Variants in PIEZO2 observed in about 807,000 individuals in gnomAD.
The protein encoded by PIEZO2 is piezo type mechanosensitive ion channel component 2.
PIEZO2 carries 172 observed loss-of-function variants against 337.3 expected under a neutral mutation model. The ratio of observed to expected loss-of-function variants is 0.51; its 90% CI spans 0.45 to 0.58. The LOEUF (loss-of-function observed/expected upper bound fraction) is 0.58. Among genes scored for constraint, PIEZO2 ranks in the 20% least tolerant of loss-of-function variants. The pLI is 0.00. For missense variants in PIEZO2, 3,028 were observed against 3,391.3 expected, an observed-to-expected ratio of 0.89 and a Z score of 2.66; for synonymous variants, 1,251 against 1,228.5, an observed-to-expected ratio of 1.02 and a Z score of -0.38.
chr18:10,977,933 A>T (rs2034508293), intron 3 of PIEZO2, among the ~76,000 whole-genome samples: 1 of 152,164 alleles, frequency 6.6e-6, no homozygotes, highest in Non-Finnish European at 1.5e-5. Flanking sequence ...AATGAGAAAT[A>T]ATTATTCATG....
intron 2 of PIEZO2, among the ~76,000 whole-genome samples, chr18:11,059,609 A>C (rs2037863213): frequency 6.6e-6 from 1 of 152,214 alleles, no homozygotes; most frequent in Admixed American, 6.5e-5. Context: ...TTGCAATCCT[A>C]GTCTCTGATA....
intron 2 of PIEZO2, among the ~76,000 whole-genome samples, chr18:11,018,382 C>CGTGTGTGTGTGTGTGTGTGTGTGT: frequency 1.8e-5 from 2 of 114,200 alleles, no homozygotes; most frequent in South Asian, 3.7e-4. Flanking sequence ...CCCAACATGT[C>CGTGTGTGTGTGTGTGTGTGTGTGT]GTGTGTGTGT....
chr18:10,885,327 G>A (rs1263347236), intron 4 of PIEZO2, among the ~76,000 whole-genome samples: 1 of 152,172 alleles, frequency 6.6e-6, no homozygotes, highest in Non-Finnish European at 1.5e-5. Context: ...AGGAGGCTGA[G>A]GCAGGAGAAT....
chr18:10,812,080 G>A (rs138653734), intron 7 of PIEZO2, among the ~76,000 whole-genome samples: 6,350 of 152,264 alleles, frequency 0.042, 173 homozygotes, highest in Non-Finnish European at 0.05. Flanking sequence ...TGATCTGCCC[G>A]CCTTGGCTTC....
chr18:11,139,740 G>A (rs773736220), intron 1 of PIEZO2, among the ~76,000 whole-genome samples: 4 of 152,120 alleles, frequency 2.6e-5, no homozygotes, highest in Non-Finnish European at 4.4e-5. Flanking sequence ...TAGGGTCACC[G>A]GCCTCCCCTT....
rs2039719779 is a variant in PIEZO2 at position 11,111,182 on chromosome 18, G to C, written c.64+37343C>G. On this transcript the variant is annotated intron_variant, in intron 1 of 55. Transcript: ENST00000674853. The surrounding 1 kb of genome is among the most constrained non-coding windows in gnomAD (Gnocchi z 6.2). ...TGCCACAGCCAGCCTGGGAGTGTCA[G>C]AGGGCTCTGACGCCAGCCCAGGACT... Among the ~76,000 whole-genome samples, 1 of 152,154 alleles carries C rather than the reference G, an allele frequency of 6.6e-6. No homozygotes were observed. The highest frequency in any genetic ancestry group is 2.4e-5 in the African/African-American group (1 of 41,440).
At position 10,724,689 on chromosome 18, in the gene PIEZO2, G is replaced by T. The variant is rs2036456619; in HGVS notation, c.5030-6430C>A. On this transcript the variant is annotated intron_variant, in intron 36 of 55. Transcript: ENST00000674853. The surrounding 1 kb of genome is among the most constrained non-coding windows in gnomAD (Gnocchi z 5.8). ...GCCCACCTACCAGTCTGCTGTCCCT[G>T]CGTCATAGGCTGAAGCACTCAGACC... is the stretch of plus-strand genomic sequence containing the variant. 1.8e-6 allele frequency: 2 copies of T among 1,117,396 alleles called. No individual in the cohort carries two copies. The highest frequency in any genetic ancestry group is 2.1e-4 in the Middle Eastern group (1 of 4,834). 69.2% of individuals were successfully genotyped at this position (1,117,396 alleles called of 1,614,324 possible). A position where few individuals can be genotyped will look rare whatever the true frequency, so the allele number is the denominator to read the frequency against.
chr18:10,850,675 C>T lies in PIEZO2; in HGVS notation c.917+4678G>A, dbSNP rs534029862. 6.6e-6 allele frequency among the ~76,000 whole-genome samples: 1 copy of T among 152,184 alleles called. No individual in the cohort carries two copies. Among genetic ancestry groups the T allele is most frequent in the South Asian group, 2.1e-4 (1 of 4,812 alleles). ...GAACATTTTATAACATAGGAAAATA[C>T]ACAGTTTGCATAAATACAGCAAATT... On this transcript the variant is annotated intron_variant, in intron 7 of 55. Coordinates refer to ENST00000674853, the MANE Select transcript of PIEZO2 (RefSeq NM_001378183.1). The surrounding 1 kb of genome is among the most constrained non-coding windows in gnomAD (Gnocchi z 4.5).
intron 2 of PIEZO2, among the ~76,000 whole-genome samples, chr18:11,019,375 G>C (rs1316231091): frequency 3.9e-5 from 6 of 152,154 alleles, no homozygotes; most frequent in Non-Finnish European, 8.8e-5. Context: ...TTCCAACCTG[G>C]ATATCAGTTC....
In PIEZO2 at chr18:10,672,112, G is replaced by C. The variant is rs190242409; in HGVS notation, c.8346-333C>G. 6.6e-6 allele frequency among the ~76,000 whole-genome samples: 1 copy of C among 152,258 alleles called. No homozygotes were observed. The highest frequency in any genetic ancestry group is 1.5e-5 in the Non-Finnish European group (1 of 68,020). ...ATATTAAATGCATAAACCATATAAT[G>C]TATTTGGTAGAAATGTAATTATATA... On this transcript the variant is annotated intron_variant, in intron 55 of 55. Transcript: ENST00000674853. This position sits in a 1 kb window ranked among gnomAD's most constrained non-coding sequence, Gnocchi z 4.7.
intron 2 of PIEZO2, among the ~76,000 whole-genome samples, chr18:10,986,950 C>A (rs943950933): frequency 6.6e-6 from 1 of 151,762 alleles, no homozygotes; most frequent in Admixed American, 6.6e-5. Flanking sequence ...ATAAACAAAA[C>A]GACTTACAAT....
rs1467949459 is a variant in PIEZO2, at chr18:11,035,798, C to A, written c.160+30329G>T. ...CAGCACATATTTGTAAATAAGCCAA[C>A]TCCTAAAATAATATGAAACTCTGAC... On this transcript the variant is annotated intron_variant, in intron 2 of 55. Coordinates refer to ENST00000674853, the MANE Select transcript of PIEZO2 (RefSeq NM_001378183.1). The surrounding 1 kb of genome is among the most constrained non-coding windows in gnomAD (Gnocchi z 4.3). 6.6e-6 allele frequency among the ~76,000 whole-genome samples: 1 copy of A among 152,308 alleles called. No individual in the cohort carries two copies. The highest frequency in any genetic ancestry group is 1.5e-5 in the Non-Finnish European group (1 of 68,032).
At chr18:11,145,204 T>C (rs1425479564) in intron 1 of PIEZO2, among the ~76,000 whole-genome samples, 1 of 152,242 alleles carries the variant, frequency 6.6e-6, no homozygotes, top group East Asian at 1.9e-4. Flanking sequence ...TATGACTATA[T>C]GCATATCCAT....
chr18:10,844,602 C>G (rs1337100305), intron 7 of PIEZO2, among the ~76,000 whole-genome samples: 2 of 151,732 alleles, frequency 1.3e-5, no homozygotes, highest in Non-Finnish European at 2.9e-5. Context: ...TCCTGGCTAA[C>G]ATGGTGAAAC....
chr18:11,003,534 A>G lies in PIEZO2; in HGVS notation c.161-23874T>C, dbSNP rs1028310966. ...ACACATACATTTAAGAAAGATTAATAAAAGCAAGTCAGATAATAATTTACC... is the reference window on the plus strand; with the variant it reads ...ACACATACATTTAAGAAAGATTAATGAAAGCAAGTCAGATAATAATTTACC... On this transcript the variant is annotated intron_variant, in intron 2 of 55. Transcript: ENST00000674853. This position sits in a 1 kb window ranked among gnomAD's most constrained non-coding sequence, Gnocchi z 4.6. 6.6e-6 allele frequency among the ~76,000 whole-genome samples: 1 copy of G among 152,254 alleles called. No individual in the cohort carries two copies. The highest frequency in any genetic ancestry group is 1.5e-5 in the Non-Finnish European group (1 of 68,050).
Position 10,680,373 on chromosome 18 carries a change from T to C in PIEZO2, c.7780-2A>G, listed in dbSNP as rs1369347260. 1 of 1,612,954 alleles carries C rather than the reference T, an allele frequency of 6.2e-7. No individual in the cohort carries two copies. Among genetic ancestry groups the C allele is most frequent in the East Asian group, 2.2e-5 (1 of 44,846 alleles). ...ATTTTCCAGAAATTGCATAGCACCCTGTATGTGCACAAATGCACATGCATA... is the reference window on the plus strand; with the variant it reads ...ATTTTCCAGAAATTGCATAGCACCCCGTATGTGCACAAATGCACATGCATA... On this transcript the variant is annotated splice_acceptor_variant, in intron 51 of 55. Coordinates refer to ENST00000674853, the MANE Select transcript of PIEZO2 (RefSeq NM_001378183.1). LOFTEE classifies it high-confidence loss of function.
At chr18:10,852,447 C>T (rs2041582857) in intron 7 of PIEZO2, among the ~76,000 whole-genome samples, 1 of 152,140 alleles carries the variant, frequency 6.6e-6, no homozygotes, top group Non-Finnish European at 1.5e-5. Context: ...GACTGAATAG[C>T]TCTCTATAGC....
chr18:10,753,485 C>T (rs1035944969), intron 27 of PIEZO2, among the ~76,000 whole-genome samples: 4 of 152,180 alleles, frequency 2.6e-5, no homozygotes, highest in African/African-American at 7.2e-5. Context: ...GCCAGCGTTC[C>T]GGTGTCAGTC....
At chr18:10,793,240 C>T (rs2144193154) in intron 13 of PIEZO2, among the ~76,000 whole-genome samples, 2 of 150,532 alleles carry the variant, frequency 1.3e-5, no homozygotes, top group East Asian at 3.9e-4. Flanking sequence ...GCCTGGGATA[C>T]AGAGCAAAAC....
Sources: gnomAD v4.1 joint callset for allele counts (sites outside exome capture counted in the v4.1 genomes callset) on GRCh38, gnomAD v4.1.1 for gene constraint, Gnocchi (gnomAD v3.1) non-coding constraint, MANE v1.5 for transcripts, NCBI Gene and HGNC (gene_info 2026-07-23, HGNC 2026-07-21) for gene names.